The following STEAP4 variants were observed in gnomAD, a reference collection of about 807,000 sequenced individuals.
STEAP4 encodes metalloreductase STEAP4.
In STEAP4, 36 loss-of-function variants were observed where a neutral mutation model predicts 43.6. That is an observed-to-expected ratio of 0.83 (90% CI 0.63 to 1.09). The LOEUF (loss-of-function observed/expected upper bound fraction) is 1.09. Among genes scored for constraint, STEAP4 ranks in the 50% least tolerant of loss-of-function variants. The pLI, the probability that STEAP4 is intolerant of heterozygous loss-of-function variation, is 0.00. For synonymous variants in STEAP4, 191 were observed against 196.7 expected, an observed-to-expected ratio of 0.97 and a Z score of 0.24; for missense variants, 495 against 546.5, an observed-to-expected ratio of 0.91 and a Z score of 0.94.
Position 88,279,307 on chromosome 7 carries a change from T to C in STEAP4, c.*91A>G. 1 of 1,247,388 alleles carries C rather than the reference T, an allele frequency of 8.0e-7. No individual in the cohort carries two copies. Among genetic ancestry groups the C allele is most frequent in the Non-Finnish European group, 1.1e-6 (1 of 877,986 alleles). 77.3% of individuals were successfully genotyped at this position (1,247,388 alleles called of 1,614,324 possible). ...AAAAAAACTTTCCTAACTGTACCCATCATTCTTCTTTAAACATTCAAAACC... is the reference window on the plus strand; with the variant it reads ...AAAAAAACTTTCCTAACTGTACCCACCATTCTTCTTTAAACATTCAAAACC... On this transcript the variant is annotated 3_prime_UTR_variant, in exon 5 of 5. Coordinates refer to ENST00000380079, the MANE Select transcript of STEAP4 (RefSeq NM_024636.4).
Position 88,284,281 on chromosome 7 carries a change from A to G in STEAP4, c.-2-10T>C, listed in dbSNP as rs753188314. The G allele has an allele frequency of 2.7e-5, 41 of 1,527,406 alleles. No individual in the cohort carries two copies. The Admixed American group carries it at 7.7e-4, about 29-fold the overall frequency. The allele number at this position is 1,527,406 out of a possible 1,614,324, so 94.6% of individuals were successfully genotyped here. A position where few individuals can be genotyped will look rare whatever the true frequency, so the allele number is the denominator to read the frequency against. ...CAAGTTTTCTCCATAACTGAAAAAT[A>G]ATAACACAAATGCCCAACAAAATAT... On this transcript the variant is annotated splice_polypyrimidine_tract_variant and intron_variant, in intron 1 of 4. Transcript: ENST00000380079.
At chr7:88,282,069 GT>G (rs1443460098) in intron 3 of STEAP4, 1 of 151,982 alleles carries the variant, frequency 6.6e-6, no homozygotes, top group Non-Finnish European at 1.5e-5. Flanking sequence ...AAATCTGTCA[GT>G]TTGCCAATAT....
At chr7:88,300,456 G>A (rs1853013331) in intron 1 of STEAP4, among the ~76,000 whole-genome samples, 2 of 151,942 alleles carry the variant, frequency 1.3e-5, no homozygotes, top group African/African-American at 4.8e-5. Flanking sequence ...CAAGTAATCA[G>A]CCCCTCCCTC....
chr7:88,277,912 C>G lies in STEAP4; in HGVS notation c.*1486G>C, dbSNP rs1387954532. 2.0e-5 allele frequency: 3 copies of G among 151,652 alleles called. No homozygotes were observed. Among genetic ancestry groups the G allele is most frequent in the Non-Finnish European group, 4.4e-5 (3 of 67,888 alleles). The allele number at this position is 151,652 out of a possible 1,614,324, so 9.4% of individuals were successfully genotyped here. On this transcript the variant is annotated 3_prime_UTR_variant, in exon 5 of 5. Transcript: ENST00000380079. ...AAGGAAAACAAAGCCTTTAGAAAAA[C>G]AAAGCCTTTGAAAAAGGATGTAAAA...
intron 1 of STEAP4, among the ~76,000 whole-genome samples, chr7:88,306,551 C>T (rs1327892514): frequency 6.6e-6 from 1 of 152,230 alleles, no homozygotes; most frequent in African/African-American, 2.4e-5. Context: ...AATTTTCCCC[C>T]TTTGGGCTTG....
At chr7:88,283,663 C>G in intron 2 of STEAP4, 151 bp downstream of exon 2, 1 of 870,718 alleles carries the variant, frequency 1.1e-6, no homozygotes, top group East Asian at 2.7e-5. Context: ...CTTATTTGGT[C>G]AAGCTCAAGA....
chr7:88,286,652 A>G lies in STEAP4; in HGVS notation c.-2-2381T>C, dbSNP rs1394066468. Among the ~76,000 whole-genome samples, 6 of 152,190 alleles carry G rather than the reference A, an allele frequency of 3.9e-5. No homozygotes were observed. The South Asian group carries it at 1.2e-3, about 32-fold the overall frequency. ...CTTGAACTTGGGAGGTGGAGATTGT[A>G]GTGAGCTGAGATTGCACCACTGCAC... On this transcript the variant is annotated intron_variant, in intron 1 of 4. Coordinates refer to ENST00000380079, the MANE Select transcript of STEAP4 (RefSeq NM_024636.4).
intron 1 of STEAP4, among the ~76,000 whole-genome samples, chr7:88,301,481 C>T (rs546087075): frequency 6.6e-5 from 10 of 152,222 alleles, no homozygotes; most frequent in Middle Eastern, 3.4e-3. Context: ...GTCTTACCAT[C>T]GCCCAGGCTA....
chr7:88,291,497 A>G (rs1250893252), intron 1 of STEAP4, among the ~76,000 whole-genome samples: 2 of 149,532 alleles, frequency 1.3e-5, no homozygotes, highest in Non-Finnish European at 3.0e-5. Context: ...AAAAAGAAAA[A>G]AAAAAAAAAA....
At chr7:88,304,193 G>A (rs904203078) in intron 1 of STEAP4, 14 of 152,228 alleles carry the variant, frequency 9.2e-5, no homozygotes, top group African/African-American at 3.4e-4. Flanking sequence ...TGTGGGATGG[G>A]GGGAGTGGGG....
intron 2 of STEAP4, chr7:88,283,500 A>G: frequency 2.1e-6 from 1 of 487,596 alleles, no homozygotes; most frequent in South Asian, 2.9e-5. Flanking sequence ...TATAAATGGA[A>G]CCAGTTTCAT....
At chr7:88,302,563 A>G (rs1004595361) in intron 1 of STEAP4, among the ~76,000 whole-genome samples, 4 of 152,180 alleles carry the variant, frequency 2.6e-5, no homozygotes, top group African/African-American at 9.7e-5. Flanking sequence ...ATCAGCGATG[A>G]CCATTAATTA....
In STEAP4 at chr7:88,283,000, C is replaced by G; in HGVS notation, c.625G>C (p.Val209Leu). The change falls in exon 3 of 5, where the codon GTG becomes CTG. Residue 209 changes from valine (V) to leucine (L), a missense_variant. By Grantham distance (32) the Val-to-Leu change is conservative (BLOSUM62 1). Coordinates refer to ENST00000380079, the MANE Select transcript of STEAP4 (RefSeq NM_024636.4). Reference protein sequence around the residue: ...MWRFPFYLSAVLCVFLFFYCV... With the variant: ...MWRFPFYLSALLCVFLFFYCV... ...TAGAAAAACAAGAAGACACACAGCA[C>G]AGCAGACAAATAGAAGGGGAACCTC... is the stretch of plus-strand genomic sequence containing the variant. The G allele has an allele frequency of 6.2e-7, 1 of 1,613,682 alleles. No individual in the cohort carries two copies. Among genetic ancestry groups the G allele is most frequent in the Non-Finnish European group, 8.5e-7 (1 of 1,179,828 alleles).
At position 88,282,769 on chromosome 7, in the gene STEAP4, A is replaced by T; in HGVS notation, c.856T>A (p.Trp286Arg). The T allele has an allele frequency of 6.2e-7, 1 of 1,614,164 alleles. No individual in the cohort carries two copies. Among genetic ancestry groups the T allele is most frequent in the Non-Finnish European group, 8.5e-7 (1 of 1,180,024 alleles). Residue 286 changes from tryptophan to arginine, a missense_variant, in exon 3 of 5, where the codon TGG becomes AGG. Coordinates refer to ENST00000380079, the MANE Select transcript of STEAP4 (RefSeq NM_024636.4). ...CCAAGCTGCTTTCGGCAAAGCATCC[A>T]GTGGTCAAGCCAGTCTGGGAATCGA... ...YRRFPDWLDHWMLCRKQLGLV... is the reference protein window; with the variant it reads ...YRRFPDWLDHRMLCRKQLGLV...
At chr7:88,303,212 C>G (rs1190118922) in intron 1 of STEAP4, among the ~76,000 whole-genome samples, 1 of 126,578 alleles carries the variant, frequency 7.9e-6, no homozygotes, top group Non-Finnish European at 1.8e-5. Flanking sequence ...AAAAAAAACT[C>G]CAACCGGGCG....
chr7:88,284,761 AT>A (rs1852697843), intron 1 of STEAP4, among the ~76,000 whole-genome samples: 1 of 152,174 alleles, frequency 6.6e-6, no homozygotes, highest in Non-Finnish European at 1.5e-5. Flanking sequence ...TTAAAATTTA[AT>A]TTTATATTAA....
Position 88,279,434 on chromosome 7 carries a change from C to G in STEAP4, c.1344G>C (p.Arg448Ser), listed in dbSNP as rs1563495227. ...IMPCVDNTLT[R>S]IRQGWERNSK... ...AGTTCCTTTCCCAGCCCTGGCGGAT[C>G]CTTGTAAGGGTGTTGTCTACACATG... The change falls in exon 5 of 5, where the codon AGG becomes AGC. Residue 448 changes from arginine (R) to serine (S), a missense_variant. By Grantham distance (110) the Arg-to-Ser change is moderately radical. Transcript: ENST00000380079. 1.9e-6 allele frequency: 3 copies of G among 1,614,060 alleles called. No individual in the cohort carries two copies.
intron 1 of STEAP4, among the ~76,000 whole-genome samples, chr7:88,306,164 C>T (rs1853126869): frequency 6.6e-6 from 1 of 152,230 alleles, no homozygotes; most frequent in African/African-American, 2.4e-5. Context: ...CCACCGTACC[C>T]AGCCTCAGTA....
At position 88,282,886 on chromosome 7, in the gene STEAP4, A is replaced by G. The variant is rs370305409; in HGVS notation, c.739T>C (p.Phe247Leu). 27 of 1,614,104 alleles carry G rather than the reference A, an allele frequency of 1.7e-5. No homozygotes were observed. Among genetic ancestry groups the G allele is most frequent in the Non-Finnish European group, 2.1e-5 (25 of 1,180,054 alleles). Residue 247 changes from phenylalanine to leucine, a missense_variant, in exon 3 of 5, where the codon TTT (phenylalanine) becomes CTT (leucine). Coordinates refer to ENST00000380079, the MANE Select transcript of STEAP4 (RefSeq NM_024636.4). ...RMAISIPNRI[F>L]PITALTLLAL... ...AGCAGTGTAAGTGCTGTTATTGGAAAGATACGATTTGGAATGGAAATAGCC... is the reference window on the plus strand; with the variant it reads ...AGCAGTGTAAGTGCTGTTATTGGAAGGATACGATTTGGAATGGAAATAGCC...
Sources: allele counts gnomAD v4.1 joint callset (sites outside exome capture counted in the v4.1 genomes callset), GRCh38; gene constraint gnomAD v4.1.1; transcripts MANE v1.5; gene names NCBI Gene and HGNC (gene_info 2026-07-23, HGNC 2026-07-21).